FNDC3A: variants seen among roughly 807,000 people sequenced by gnomAD.
FNDC3A encodes the protein fibronectin type-III domain-containing protein 3A.
FNDC3A carries 32 observed loss-of-function variants against 148.9 expected under a neutral mutation model. That is an observed-to-expected ratio of 0.21 (90% CI 0.16 to 0.29). The LOEUF (loss-of-function observed/expected upper bound fraction) is 0.29. FNDC3A is among the 10% of genes least tolerant of loss of function. FNDC3A has a pLI of 1.00. For synonymous variants in FNDC3A, 472 were observed against 473.6 expected, an observed-to-expected ratio of 1.00 and a Z score of 0.04; for missense variants, 1,191 against 1,452.8, an observed-to-expected ratio of 0.82 and a Z score of 2.93.
chr13:49,187,009 T>C, intron 15 of FNDC3A, 113 bp from the exon 16 acceptor site: 1 of 641,400 alleles, frequency 1.6e-6, no homozygotes. Flanking sequence ...ATTAAGTCAT[T>C]GCAGGTGATT....
chr13:49,143,308 G>C (rs549706771), intron 7 of FNDC3A, among the ~76,000 whole-genome samples: 1 of 152,244 alleles, frequency 6.6e-6, no homozygotes, highest in South Asian at 2.1e-4. Flanking sequence ...AGGATCGCTT[G>C]AGCCTAGGAG....
At chr13:49,085,876 C>CTTT (rs111913275) in intron 3 of FNDC3A, among the ~76,000 whole-genome samples, 4 of 134,618 alleles carry the variant, frequency 3.0e-5, no homozygotes, top group South Asian at 4.8e-4. Context: ...CCCATCCATC[C>CTTT]TTTTTTTTTT....
intron 19 of FNDC3A, among the ~76,000 whole-genome samples, chr13:49,195,782 TG>T (rs1321977358): frequency 6.6e-6 from 1 of 152,144 alleles, no homozygotes; most frequent in Non-Finnish European, 1.5e-5. Context: ...CGTAGCTGGC[TG>T]GGCCCAGTGG....
chr13:49,140,572 G>A (rs1882632450), intron 7 of FNDC3A, among the ~76,000 whole-genome samples: 1 of 152,142 alleles, frequency 6.6e-6, no homozygotes, highest in Non-Finnish European at 1.5e-5. Flanking sequence ...GTTTTTGCTT[G>A]CTTGTTTTTG....
chr13:49,024,045 A>G (rs1368600325), intron 2 of FNDC3A, among the ~76,000 whole-genome samples: 1 of 151,988 alleles, frequency 6.6e-6, no homozygotes, highest in Non-Finnish European at 1.5e-5. Context: ...AAAAGGAGAC[A>G]TCACAACGGA....
At chr13:49,203,334 AT>A in intron 25 of FNDC3A, 50 bp downstream of exon 25, 2 of 1,351,446 alleles carry the variant, frequency 1.5e-6, no homozygotes, top group Non-Finnish European at 2.1e-6. Context: ...CCCTTTTTTA[AT>A]TTTTATGTAT....
intron 7 of FNDC3A, among the ~76,000 whole-genome samples, chr13:49,144,836 A>G (rs900560633): frequency 3.9e-5 from 6 of 152,308 alleles, no homozygotes; most frequent in South Asian, 2.1e-4. Flanking sequence ...CTCAACTGCA[A>G]TCACAGTGTA....
chr13:49,100,598 G>C (rs1464000199), intron 3 of FNDC3A, among the ~76,000 whole-genome samples: 1 of 152,038 alleles, frequency 6.6e-6, no homozygotes, highest in Non-Finnish European at 1.5e-5. Flanking sequence ...TATAATGTTT[G>C]AAGTTACAGT....
chr13:49,092,911 A>C (rs938341347), intron 3 of FNDC3A, among the ~76,000 whole-genome samples: 6 of 151,908 alleles, frequency 3.9e-5, no homozygotes, highest in African/African-American at 1.5e-4. Flanking sequence ...TTAGGTGCTC[A>C]TTGTCTGCCA....
chr13:49,060,162 A>C (rs1206083093), intron 2 of FNDC3A, among the ~76,000 whole-genome samples: 2 of 152,242 alleles, frequency 1.3e-5, no homozygotes, highest in Non-Finnish European at 2.9e-5. Flanking sequence ...TACTATGTGG[A>C]ATATCCAAAG....
At chr13:49,125,493 T>G (rs1419211697) in intron 4 of FNDC3A, among the ~76,000 whole-genome samples, 1 of 152,194 alleles carries the variant, frequency 6.6e-6, no homozygotes, top group African/African-American at 2.4e-5. Flanking sequence ...GGAATAGTTC[T>G]GGGTTCAGAG....
At chr13:49,110,290 T>TA (rs997171465) in intron 3 of FNDC3A, 3 of 1,518,188 alleles carry the variant, frequency 2.0e-6, no homozygotes, top group African/African-American at 2.8e-5. Context: ...CTTTTCCTCT[T>TA]ACAGCCTTGC....
chr13:49,182,290 A>G (rs2039273901), intron 14 of FNDC3A, among the ~76,000 whole-genome samples: 1 of 152,182 alleles, frequency 6.6e-6, no homozygotes, highest in Non-Finnish European at 1.5e-5. Flanking sequence ...CACCCGGCCA[A>G]AAATAAAATT....
rs1231464532 is a variant in FNDC3A at position 48,978,665 on chromosome 13, TG to T, written c.-40+2489del. Among the ~76,000 whole-genome samples, 5 of 152,238 alleles carry T rather than the reference TG, an allele frequency of 3.3e-5. No homozygotes were observed. The South Asian group carries it at 6.2e-4, about 19-fold the overall frequency. On this transcript the variant is annotated intron_variant, in intron 1 of 25. Transcript: ENST00000492622. ...TTTCTGGTTTTTTTTTGTTTGCTTT[TG>T]TTTTTTTTGTTTTGTTTTTAGCATT... is the stretch of plus-strand genomic sequence containing the variant.
chr13:49,106,773 C>CAAAAAAAAAA (rs543962565), intron 3 of FNDC3A, among the ~76,000 whole-genome samples: 18 of 79,832 alleles, frequency 2.3e-4, no homozygotes, highest in Non-Finnish European at 2.9e-4. Context: ...TGAATGAAAG[C>CAAAAAAAAAA]AAAAAAAAAA....
At chr13:49,087,225 A>C (rs1878874348) in intron 3 of FNDC3A, among the ~76,000 whole-genome samples, 1 of 152,160 alleles carries the variant, frequency 6.6e-6, no homozygotes, top group Admixed American at 6.5e-5. Flanking sequence ...TGATTAAAAA[A>C]ATTTTTTAAT....
rs538984403 is a variant in FNDC3A at position 49,160,713 on chromosome 13, C to G, written c.978-6531C>G. Among the ~76,000 whole-genome samples, 1,046 of 151,552 alleles carry G rather than the reference C, an allele frequency of 6.9e-3. 11 individuals carry two copies. The highest frequency in any genetic ancestry group is 0.023 in the African/African-American group (968 of 41,280). ...TCTAGTTCTTTTAATTGTGATGTTACGGTGTCGATTTTAGATCTTTCCTGC... is the reference window on the plus strand; with the variant it reads ...TCTAGTTCTTTTAATTGTGATGTTAGGGTGTCGATTTTAGATCTTTCCTGC... On this transcript the variant is annotated intron_variant, in intron 8 of 25. Transcript: ENST00000492622.
chr13:49,131,116 A>T, intron 4 of FNDC3A, 21 bp from the exon 5 acceptor site: 1 of 1,553,022 alleles, frequency 6.4e-7, no homozygotes. Flanking sequence ...AAGAAATTTT[A>T]ATCTGATGTT....
chr13:49,027,519 G>A (rs1489942073), intron 2 of FNDC3A, among the ~76,000 whole-genome samples: 1 of 152,160 alleles, frequency 6.6e-6, no homozygotes, highest in Non-Finnish European at 1.5e-5. Context: ...ATTATACACT[G>A]TTGGTTGGCT....
Sources: allele counts gnomAD v4.1 joint callset (sites outside exome capture counted in the v4.1 genomes callset), GRCh38; gene constraint gnomAD v4.1.1; transcripts MANE v1.5; gene names NCBI Gene and HGNC (gene_info 2026-07-23, HGNC 2026-07-21).